PIH1D2: variants seen among roughly 807,000 people sequenced by gnomAD.
PIH1D2 encodes PIH1 domain containing 2.
In PIH1D2, 25 loss-of-function variants were observed where a neutral mutation model predicts 31.2. That is an observed-to-expected ratio of 0.80 (90% CI 0.58 to 1.12). PIH1D2 has a LOEUF of 1.12. Among genes scored for constraint, PIH1D2 ranks in the 50% most tolerant of loss-of-function variants. The pLI is 0.00. For synonymous variants in PIH1D2, 116 were observed against 119.9 expected, an observed-to-expected ratio of 0.97 and a Z score of 0.21; for missense variants, 310 against 356.6, an observed-to-expected ratio of 0.87 and a Z score of 1.05.
intron 5 of PIH1D2, among the ~76,000 whole-genome samples, chr11:112,068,669 A>C (rs1865010061): frequency 6.6e-6 from 1 of 152,088 alleles, no homozygotes; most frequent in South Asian, 2.1e-4. Context: ...CTGTAATCCC[A>C]GCTACTCAGG....
intron 5 of PIH1D2, among the ~76,000 whole-genome samples, chr11:112,069,577 A>G (rs1865047300): frequency 1.3e-5 from 2 of 151,958 alleles, no homozygotes; most frequent in African/African-American, 4.8e-5. Flanking sequence ...ATTCTCCGAT[A>G]CTCTTCAGAT....
chr11:112,059,793 A>C (rs587762425), downstream of PIH1D2: 2 of 877,950 alleles, frequency 2.3e-6, no homozygotes, highest in South Asian at 3.6e-5. Context: ...GAACAATAAC[A>C]CACATTGGTT....
At chr11:112,052,582 G>A in the PIH1D2 span, among the ~76,000 whole-genome samples, 2 of 152,114 alleles carry the variant, frequency 1.3e-5, no homozygotes, top group Non-Finnish European at 2.9e-5. Flanking sequence ...AGGTGGGGTG[G>A]TGCAGAGCTT....
chr11:112,072,922 A>C, intron 2 of PIH1D2, 76 bp downstream of exon 2: 4 of 1,365,968 alleles, frequency 2.9e-6, no homozygotes, highest in Non-Finnish European at 3.9e-6. Flanking sequence ...GCAATACCTA[A>C]GTGTAAAGTA....
At chr11:112,069,725 T>A (rs1865051757) in intron 5 of PIH1D2, 1 of 152,160 alleles carries the variant, frequency 6.6e-6, no homozygotes, top group African/African-American at 2.4e-5. Context: ...AGTAAGAACA[T>A]CCTCTACCTC....
At chr11:112,062,602 T>A, downstream of PIH1D2, 2 of 1,545,882 alleles carry the variant, frequency 1.3e-6, no homozygotes, top group African/African-American at 1.4e-5. Flanking sequence ...ATTTATATGT[T>A]ATTAAACAGG....
intron 2 of PIH1D2, among the ~76,000 whole-genome samples, chr11:112,071,963 G>C (rs1397903853): frequency 6.6e-6 from 1 of 151,972 alleles, no homozygotes; most frequent in Non-Finnish European, 1.5e-5. Context: ...TGTGGTGGTG[G>C]ATACCTGTAA....
At chr11:112,065,701 C>T (rs1273337318), downstream of PIH1D2, among the ~76,000 whole-genome samples, 1 of 152,192 alleles carries the variant, frequency 6.6e-6, no homozygotes, top group Non-Finnish European at 1.5e-5. Context: ...TGCTTTTAGG[C>T]TAGGCCCAGT....
downstream of PIH1D2, among the ~76,000 whole-genome samples, chr11:112,059,205 C>T (rs1283090908): frequency 6.6e-6 from 1 of 152,174 alleles, no homozygotes; most frequent in Admixed American, 6.5e-5. Flanking sequence ...GACTCAACTG[C>T]AGCCAATGTA....
downstream of PIH1D2, among the ~76,000 whole-genome samples, chr11:112,064,831 C>G (rs1483833410): frequency 6.7e-6 from 1 of 150,192 alleles, no homozygotes; most frequent in Non-Finnish European, 1.5e-5. Context: ...GTAGAAAAAT[C>G]TGGTCTCCAA....
chr11:112,068,131 A>C (rs782059333), intron 5 of PIH1D2, 126 bp from the exon 6 acceptor site: 4 of 637,658 alleles, frequency 6.3e-6, no homozygotes, highest in Non-Finnish European at 1.1e-5. Context: ...TGGAATGAGC[A>C]AAAAATTACT....
At chr11:112,070,163 G>A in intron 5 of PIH1D2, 1 of 580,786 alleles carries the variant, frequency 1.7e-6, no homozygotes, top group Non-Finnish European at 3.1e-6. Context: ...AACTGGCCTT[G>A]TGACTTACTT....
At chr11:112,065,067 C>A (rs1269677682), downstream of PIH1D2, among the ~76,000 whole-genome samples, 1 of 151,884 alleles carries the variant, frequency 6.6e-6, no homozygotes, top group Non-Finnish European at 1.5e-5. Context: ...GTCTCTATCT[C>A]CTGACCTTGT....
chr11:112,066,207 T>G (rs587658517), downstream of PIH1D2, among the ~76,000 whole-genome samples: 5 of 152,296 alleles, frequency 3.3e-5, no homozygotes, highest in South Asian at 8.3e-4. Context: ...GCTTACTTGA[T>G]GTATAAATTG....
chr11:112,070,980 A>G, intron 4 of PIH1D2, 58 bp downstream of exon 4: 2 of 1,554,848 alleles, frequency 1.3e-6, no homozygotes. Flanking sequence ...CAAAATGTAT[A>G]CAGGATCCAA....
Sources: gnomAD v4.1 joint callset for allele counts (sites outside exome capture counted in the v4.1 genomes callset) on GRCh38, gnomAD v4.1.1 for gene constraint, MANE v1.5 for transcripts, NCBI Gene and HGNC (gene_info 2026-07-23, HGNC 2026-07-21) for gene names.